Variants in LPA observed in about 807,000 individuals in gnomAD.
LPA encodes apolipoprotein(a).
A neutral mutation model predicts 197.9 loss-of-function variants in LPA; 199 were observed. The observed-to-expected ratio is 1.01, with a 90% CI of 0.90 to 1.13. The LOEUF (loss-of-function observed/expected upper bound fraction) is 1.13. Among genes scored for constraint, LPA ranks in the 50% most tolerant of loss-of-function variants. The pLI, the probability that LPA is intolerant of heterozygous loss-of-function variation, is 0.00. For synonymous variants in LPA, 715 were observed against 639.5 expected (o/e 1.12, Z -1.78); for missense variants, 1,853 against 1,785.8 (o/e 1.04, Z -0.68).
At chr6:160,609,784 T>G (rs1214863764) in intron 16 of LPA, among the ~76,000 whole-genome samples, 1 of 151,996 alleles carries the variant, frequency 6.6e-6, no homozygotes, top group African/African-American at 2.4e-5. Context: ...TTTGTGTGTG[T>G]GTTAGAACTT....
At chr6:160,539,171 C>T (rs998264017) in intron 36 of LPA, among the ~76,000 whole-genome samples, 2 of 152,200 alleles carry the variant, frequency 1.3e-5, no homozygotes, top group African/African-American at 4.8e-5. Context: ...AGGCCATGCT[C>T]ATCCCTGTCT....
intron 4 of LPA, among the ~76,000 whole-genome samples, chr6:160,643,083 AGTGTGTGTGTGT>A (rs767484310): frequency 3.1e-5 from 4 of 131,134 alleles, no homozygotes; most frequent in South Asian, 5.3e-4. Flanking sequence ...GTGTGTTTTC[AGTGTGTGTGTGT>A]GTGTGTGTGT....
rs752667995 is a variant in LPA, at chr6:160,599,451, A to G, written c.3287+49T>C. The G allele has an allele frequency of 5.6e-6, 9 of 1,609,892 alleles. No homozygotes were observed. In the South Asian group the frequency reaches 8.8e-5, roughly 16 times the overall value. Reference sequence around the variant, plus strand: ...CCTTGAAGCATGACTCTTCTAACAGAAACTTCCATTGGCCCTTCCTTCGCT... The same window carrying G: ...CCTTGAAGCATGACTCTTCTAACAGGAACTTCCATTGGCCCTTCCTTCGCT... On this transcript the variant is annotated intron_variant, in intron 20 of 38. Transcript: ENST00000316300.
At chr6:160,597,437 G>A (rs1057059154) in intron 20 of LPA, among the ~76,000 whole-genome samples, 9 of 152,170 alleles carry the variant, frequency 5.9e-5, no homozygotes, top group Admixed American at 5.9e-4. Context: ...ATGCTCGTGT[G>A]GCTCTAGGAT....
At chr6:160,535,263 G>A (rs1194411298) in intron 37 of LPA, among the ~76,000 whole-genome samples, 1 of 5,092 alleles carries the variant, frequency 2.0e-4, no homozygotes, top group African/African-American at 7.7e-4. Flanking sequence ...TAATGGCAGT[G>A]GTGATGATGG....
chr6:160,605,356 C>CA, intron 17 of LPA, 151 bp from the exon 18 acceptor site: 1 of 996,080 alleles, frequency 1.0e-6, no homozygotes, highest in Non-Finnish European at 1.5e-6. Context: ...TATTTGTAGG[C>CA]AGATGGACTT....
chr6:160,650,702 T>G (rs1051314826), intron 1 of LPA, among the ~76,000 whole-genome samples: 1 of 152,218 alleles, frequency 6.6e-6, no homozygotes, highest in African/African-American at 2.4e-5. Flanking sequence ...AATATTTTAT[T>G]TAAAAGTTTA....
rs748743077 is a variant in LPA at position 160,547,849 on chromosome 6, C to T, written c.5244G>A (p.Glu1748=). 2 of 1,614,130 alleles carry T rather than the reference C, an allele frequency of 1.2e-6. No individual in the cohort carries two copies. Among genetic ancestry groups the T allele is most frequent in the Non-Finnish European group, 1.7e-6 (2 of 1,180,014 alleles). ...GAATGAACGTGCTGTGTCTATGGGGCTCCTGGGCAGCCCATTCCTGGCATG... is the reference window on the plus strand; with the variant it reads ...GAATGAACGTGCTGTGTCTATGGGGTTCCTGGGCAGCCCATTCCTGGCATG... ...GTPCQEWAAQ[E]PHRHSTFIPG... Residue 1748 remains glutamate, a synonymous_variant, in exon 32 of 39, where the codon GAG becomes GAA. Transcript: ENST00000316300.
chr6:160,648,332 G>T (rs1238222567), intron 2 of LPA, among the ~76,000 whole-genome samples: 1 of 152,026 alleles, frequency 6.6e-6, no homozygotes, highest in African/African-American at 2.4e-5. Flanking sequence ...TCCTATAATT[G>T]TCATTTTAGA....
intron 1 of LPA, among the ~76,000 whole-genome samples, chr6:160,661,534 G>A (rs922648680): frequency 2.6e-5 from 4 of 152,164 alleles, no homozygotes; most frequent in Non-Finnish European, 5.9e-5. Context: ...GCAGGGCAAG[G>A]AGGAGGATGC....
intron 16 of LPA, among the ~76,000 whole-genome samples, chr6:160,611,135 C>A (rs1046040792): frequency 2.0e-5 from 3 of 152,088 alleles, no homozygotes; most frequent in Non-Finnish European, 4.4e-5. Flanking sequence ...GATCAATTCA[C>A]CTGTCCATAA....
In LPA at chr6:160,591,037, C is replaced by T. The variant is rs772001636; in HGVS notation, c.3694G>A (p.Asp1232Asn). 6 of 1,613,970 alleles carry T rather than the reference C, an allele frequency of 3.7e-6. No homozygotes were observed. The South Asian group carries it at 6.6e-5, about 18-fold the overall frequency. ...CAGTACTCCCATCTGACATTGGGAT[C>T]CATGGTATAACACCAAGGACTAATC... Reference protein sequence around the residue: ...AEISPWCYTMDPNVRWEYCNL... With the variant: ...AEISPWCYTMNPNVRWEYCNL... Residue 1232 changes from aspartate to asparagine, a missense_variant, in exon 23 of 39, where the codon GAT (aspartate) becomes AAT (asparagine). Coordinates refer to ENST00000316300, the MANE Select transcript of LPA (RefSeq NM_005577.4).
intron 17 of LPA, 130 bp from the exon 18 acceptor site, chr6:160,605,335 T>G (rs1779325259): frequency 8.8e-7 from 1 of 1,135,174 alleles, no homozygotes; most frequent in Admixed American, 1.8e-5. Context: ...CAAGTAACAT[T>G]CTTGTTTCTT....
intron 18 of LPA, among the ~76,000 whole-genome samples, chr6:160,602,094 G>A (rs1186574316): frequency 6.6e-6 from 1 of 151,932 alleles, no homozygotes; most frequent in East Asian, 1.9e-4. Flanking sequence ...TGGGCCATGG[G>A]GATCCAACAC....
intron 16 of LPA, among the ~76,000 whole-genome samples, chr6:160,608,888 G>C (rs1328894131): frequency 1.3e-5 from 2 of 151,672 alleles, no homozygotes; most frequent in African/African-American, 4.9e-5. Flanking sequence ...TGTTGTATGT[G>C]TATATATGTG....
chr6:160,559,097 T>TC (rs1778320067), intron 28 of LPA, among the ~76,000 whole-genome samples: 1 of 152,208 alleles, frequency 6.6e-6, no homozygotes, highest in Admixed American at 6.5e-5. Context: ...TCAACACCTA[T>TC]ACCTGTGGAG....
At position 160,611,235 on chromosome 6, in the gene LPA, C is replaced by T. The variant is rs117949336; in HGVS notation, c.2603+327G>A. ...ATTGGAAGTCAGAATAACGGAATTC[C>T]AACTGGAAAGTCTTCATTGACGCTT... On this transcript the variant is annotated intron_variant, in intron 16 of 38. Coordinates refer to ENST00000316300, the MANE Select transcript of LPA (RefSeq NM_005577.4). Among the ~76,000 whole-genome samples the T allele has an allele frequency of 6.6e-3, 1,001 of 152,226 alleles. 6 individuals carry two copies. The highest frequency in any genetic ancestry group is 9.9e-3 in the Non-Finnish European group (676 of 68,014).
At chr6:160,646,824 T>C (rs1779889396) in intron 2 of LPA, among the ~76,000 whole-genome samples, 1 of 150,230 alleles carries the variant, frequency 6.7e-6, no homozygotes, top group South Asian at 2.1e-4. Context: ...TCGGTAGGAC[T>C]TCATATTCTA....
intron 18 of LPA, among the ~76,000 whole-genome samples, chr6:160,603,728 G>GTT (rs1583613683): frequency 1.3e-5 from 2 of 152,172 alleles, no homozygotes; most frequent in East Asian, 3.8e-4. Flanking sequence ...TGACTTTGTT[G>GTT]TTTACCTCTA....
Sources: allele counts gnomAD v4.1 joint callset (sites outside exome capture counted in the v4.1 genomes callset), GRCh38; gene constraint gnomAD v4.1.1; transcripts MANE v1.5; gene names NCBI Gene and HGNC (gene_info 2026-07-23, HGNC 2026-07-21).